Variants in AVEN observed in about 807,000 individuals in gnomAD.
The protein encoded by AVEN is cell death regulator Aven.
In AVEN, 41 loss-of-function variants were observed where a neutral mutation model predicts 38.1. The ratio of observed to expected loss-of-function variants is 1.08; its 90% CI spans 0.84 to 1.40. The LOEUF (loss-of-function observed/expected upper bound fraction) is 1.40. Ranked by LOEUF, AVEN falls within the 40% of genes most tolerant of loss-of-function variation. AVEN has a pLI of 0.00. For synonymous variants in AVEN, 206 were observed against 171.8 expected (o/e 1.20, Z -1.56); for missense variants, 605 against 438.8 (o/e 1.38, Z -3.38).
At chr15:34,022,962 C>G (rs1281221898) in intron 1 of AVEN, among the ~76,000 whole-genome samples, 1 of 152,122 alleles carries the variant, frequency 6.6e-6, no homozygotes, top group Non-Finnish European at 1.5e-5. Flanking sequence ...CCGAGGCGGG[C>G]GGATCACAAG....
intron 2 of AVEN, among the ~76,000 whole-genome samples, chr15:33,982,666 A>G (rs1896205854): frequency 6.6e-6 from 1 of 152,230 alleles, no homozygotes; most frequent in Non-Finnish European, 1.5e-5. Flanking sequence ...TAGTAATGGA[A>G]ACAAGAATTT....
At chr15:34,001,227 G>A (rs1897126696) in intron 2 of AVEN, among the ~76,000 whole-genome samples, 1 of 151,896 alleles carries the variant, frequency 6.6e-6, no homozygotes, top group South Asian at 2.1e-4. Context: ...TCACTATGTT[G>A]GCCAGGATGG....
intron 2 of AVEN, among the ~76,000 whole-genome samples, chr15:33,941,875 C>A (rs759209393): frequency 4.6e-5 from 7 of 152,190 alleles, no homozygotes; most frequent in Non-Finnish European, 1.0e-4. Context: ...CACACTTCAG[C>A]TTTCCAGTGT....
At position 34,021,223 on chromosome 15, in the gene AVEN, T is replaced by C. The variant is rs183906324; in HGVS notation, c.267+17557A>G. Among the ~76,000 whole-genome samples the C allele has an allele frequency of 1.5e-3, 221 of 152,206 alleles. 2 individuals carry two copies. The highest frequency in any genetic ancestry group is 5.2e-3 in the African/African-American group (216 of 41,550). Reference sequence around the variant, plus strand: ...TTTTTGGAGATGGAGTTTTGCTCTGTCGCCTCCCAAGTAGCTTAGGCTACA... The same window carrying C: ...TTTTTGGAGATGGAGTTTTGCTCTGCCGCCTCCCAAGTAGCTTAGGCTACA... On this transcript the variant is annotated intron_variant, in intron 1 of 5. Coordinates refer to ENST00000306730, the MANE Select transcript of AVEN (RefSeq NM_020371.3).
chr15:33,859,640 C>A lies in AVEN; in HGVS notation n.2730-546G>T. 2 of 1,613,954 alleles carry A rather than the reference C, an allele frequency of 1.2e-6. No homozygotes were observed. The highest frequency in any genetic ancestry group is 1.7e-6 in the Non-Finnish European group (2 of 1,179,852). ...GTGGCATTGGTGATGAAATTGAAGACCCTGCTGGTGATCCTTATGAAATGT... is the reference window on the plus strand; with the variant it reads ...GTGGCATTGGTGATGAAATTGAAGAACCTGCTGGTGATCCTTATGAAATGT... On this transcript the variant is annotated intron_variant and non_coding_transcript_variant, in intron 11 of 11. Transcript: ENST00000675287.
At chr15:33,857,970 A>G, downstream of AVEN, 1 of 1,603,858 alleles carries the variant, frequency 6.2e-7, no homozygotes, top group Middle Eastern at 1.8e-4. Flanking sequence ...ACCCCGCCCC[A>G]CCACCTCACT....
At chr15:34,016,453 C>A (rs1426771224) in intron 1 of AVEN, among the ~76,000 whole-genome samples, 1 of 152,158 alleles carries the variant, frequency 6.6e-6, no homozygotes, top group South Asian at 2.1e-4. Flanking sequence ...GTACTTGATT[C>A]TCTGCATGTG....
At position 33,922,532 on chromosome 15, in the gene AVEN, T is replaced by A. The variant is rs191458947; in HGVS notation, c.446-46537A>T. On this transcript the variant is annotated intron_variant, in intron 2 of 5. Transcript: ENST00000306730. ...CTCACTGCAGCCTCAACCCCTGGGC[T>A]CAAGAGATGCTCCCGCCTCAGCCTC... is the stretch of plus-strand genomic sequence containing the variant. 2.0e-5 allele frequency among the ~76,000 whole-genome samples: 3 copies of A among 152,272 alleles called. No individual in the cohort carries two copies. The East Asian group carries it at 5.8e-4, about 29-fold the overall frequency.
chr15:34,038,565 C>G (rs1161681163), intron 1 of AVEN, among the ~76,000 whole-genome samples: 2 of 151,772 alleles, frequency 1.3e-5, no homozygotes, highest in African/African-American at 2.4e-5. Context: ...CGCGCCAGCC[C>G]GGCCAGGAGG....
chr15:33,884,206 C>G (rs1715414225), intron 2 of AVEN, among the ~76,000 whole-genome samples: 1 of 152,126 alleles, frequency 6.6e-6, no homozygotes, highest in Non-Finnish European at 1.5e-5. Flanking sequence ...TCCACTGTTT[C>G]TGCTAGGCCT....
intron 2 of AVEN, among the ~76,000 whole-genome samples, chr15:33,920,918 G>A (rs1216052620): frequency 1.3e-5 from 2 of 152,084 alleles, no homozygotes; most frequent in South Asian, 2.1e-4. Flanking sequence ...TGGGACCACA[G>A]GCGCACACCA....
intron 2 of AVEN, among the ~76,000 whole-genome samples, chr15:33,888,234 T>C (rs1427640177): frequency 6.6e-6 from 1 of 152,140 alleles, no homozygotes; most frequent in East Asian, 1.9e-4. Flanking sequence ...CATACCCTAA[T>C]GAGTTAAGGA....
intron 2 of AVEN, among the ~76,000 whole-genome samples, chr15:33,937,815 G>C (rs1005369897): frequency 6.6e-6 from 1 of 151,346 alleles, no homozygotes; most frequent in African/African-American, 2.4e-5. Flanking sequence ...AACCCTTCTG[G>C]TACCTTGATC....
chr15:33,864,687 T>TATC (rs1491421416), downstream of AVEN: 1 of 176,090 alleles, frequency 5.7e-6, no homozygotes, highest in Admixed American at 5.5e-5. Context: ...AAAAGTCAGT[T>TATC]ATCAAATATT....
intron 3 of AVEN, 67 bp from the exon 4 acceptor site, chr15:33,871,097 G>C (rs1466389511): frequency 2.4e-5 from 26 of 1,061,260 alleles, no homozygotes; most frequent in African/African-American, 3.3e-5. Context: ...AATAAAAGAA[G>C]AAACTGTAAA....
At chr15:33,905,711 G>T (rs760406478) in intron 2 of AVEN, among the ~76,000 whole-genome samples, 1 of 151,984 alleles carries the variant, frequency 6.6e-6, no homozygotes, top group African/African-American at 2.4e-5. Context: ...TGTGGTCCCA[G>T]AGGGAGGCTG....
chr15:33,939,397 A>G (rs544525264), intron 2 of AVEN, among the ~76,000 whole-genome samples: 4 of 152,382 alleles, frequency 2.6e-5, no homozygotes, highest in Non-Finnish European at 4.4e-5. Flanking sequence ...CTTACGGAGT[A>G]ACACGTACAA....
At position 34,047,789 on chromosome 15, in the gene AVEN, C is replaced by A. The variant is rs541146390; in HGVS notation, n.1637+15133G>T. On this transcript the variant is annotated intron_variant and non_coding_transcript_variant, in intron 5 of 11. Coordinates refer to the AVEN transcript ENST00000675287. ...TTTTGGAGATAGTCTCACTTTGTCA[C>A]CCAGGCTGGAGTGCAATGGCGCAAT... Among the ~76,000 whole-genome samples, 26 of 152,118 alleles carry A rather than the reference C, an allele frequency of 1.7e-4. No individual in the cohort carries two copies. In the South Asian group the frequency reaches 5.2e-3, roughly 30 times the overall value.
chr15:34,016,456 T>C (rs373324591), intron 1 of AVEN, among the ~76,000 whole-genome samples: 2 of 152,332 alleles, frequency 1.3e-5, no homozygotes, highest in South Asian at 4.1e-4. Flanking sequence ...CTTGATTCTC[T>C]GCATGTGGCC....
Sources: allele counts gnomAD v4.1 joint callset (sites outside exome capture counted in the v4.1 genomes callset), GRCh38; gene constraint gnomAD v4.1.1; transcripts MANE v1.5; gene names NCBI Gene and HGNC (gene_info 2026-07-23, HGNC 2026-07-21).